SLC6A2: variants seen among roughly 807,000 people sequenced by gnomAD.
SLC6A2 encodes the protein solute carrier family 6 member 2.
SLC6A2 carries 26 observed loss-of-function variants against 71.7 expected under a neutral mutation model. The observed-to-expected ratio is 0.36, with a 90% CI of 0.27 to 0.50. The LOEUF (loss-of-function observed/expected upper bound fraction) is 0.50, where lower values mean the gene tolerates loss of function less well. Ranked by LOEUF, SLC6A2 falls within the 20% of genes least tolerant of loss-of-function variation. SLC6A2 has a pLI of 0.96. For missense variants in SLC6A2, 581 were observed against 803.9 expected (o/e 0.72, Z 3.35); for synonymous variants, 363 against 337.9 (o/e 1.07, Z -0.82).
intron 2 of SLC6A2, among the ~76,000 whole-genome samples, chr16:55,666,566 G>A (rs1964756282): frequency 6.6e-6 from 1 of 152,122 alleles, no homozygotes; most frequent in East Asian, 1.9e-4. Flanking sequence ...ACCACTCTTT[G>A]GTCTTCTTAA....
intron 2 of SLC6A2, among the ~76,000 whole-genome samples, chr16:55,664,197 G>A (rs890749765): frequency 3.9e-5 from 6 of 152,118 alleles, no homozygotes; most frequent in East Asian, 1.9e-4. Flanking sequence ...TTGGCCTGGC[G>A]TATCCTGTCC....
intron 11 of SLC6A2, among the ~76,000 whole-genome samples, chr16:55,698,946 CAT>C (rs1182358207): frequency 6.6e-6 from 1 of 152,184 alleles, no homozygotes; most frequent in Admixed American, 6.5e-5. Context: ...TTGCATCGGA[CAT>C]ACTTACCCTA....
intron 13 of SLC6A2, among the ~76,000 whole-genome samples, chr16:55,701,395 A>G (rs1030274708): frequency 1.3e-5 from 2 of 152,096 alleles, no homozygotes; most frequent in South Asian, 4.1e-4. Context: ...GCTACCAGTG[A>G]TCAATTGTTG....
chr16:55,697,959 C>T lies in SLC6A2; in HGVS notation c.1323C>T (p.His441=). The T allele has an allele frequency of 2.5e-6, 4 of 1,614,122 alleles. No individual in the cohort carries two copies. Among genetic ancestry groups the T allele is most frequent in the Non-Finnish European group, 3.4e-6 (4 of 1,179,988 alleles). ...ATGACTTCCAGGTCCTGAAGCGACACCGGAAACTCTTCACATTTGGCGTCA... is the reference window on the plus strand; with the variant it reads ...ATGACTTCCAGGTCCTGAAGCGACATCGGAAACTCTTCACATTTGGCGTCA... ...LADDFQVLKR[H]RKLFTFGVTF... is the part of the protein sequence containing the mutation. The change falls in exon 10 of 15, where the codon CAC becomes CAT. Residue 441 remains histidine (H), a synonymous_variant. Coordinates refer to ENST00000568943, the MANE Select transcript of SLC6A2 (RefSeq NM_001172501.3).
At chr16:55,667,404 C>T (rs544297622) in intron 2 of SLC6A2, among the ~76,000 whole-genome samples, 1 of 152,330 alleles carries the variant, frequency 6.6e-6, no homozygotes, top group South Asian at 2.1e-4. Flanking sequence ...AATTCTCTCT[C>T]AGGGGTGGTT....
At chr16:55,697,176 T>C (rs1239314659) in intron 9 of SLC6A2, among the ~76,000 whole-genome samples, 1 of 152,232 alleles carries the variant, frequency 6.6e-6, no homozygotes, top group African/African-American at 2.4e-5. Flanking sequence ...TTCCTCCCAC[T>C]GCCTTTTGCT....
At chr16:55,663,104 C>T (rs1341640257) in intron 2 of SLC6A2, among the ~76,000 whole-genome samples, 2 of 152,134 alleles carry the variant, frequency 1.3e-5, no homozygotes, top group Non-Finnish European at 2.9e-5. Flanking sequence ...AATCAGGGTT[C>T]CCCCCACCCC....
chr16:55,664,955 G>A (rs532096483), intron 2 of SLC6A2, among the ~76,000 whole-genome samples: 37 of 152,274 alleles, frequency 2.4e-4, no homozygotes, highest in African/African-American at 7.9e-4. Context: ...ACAGCCTCAG[G>A]CACCCTTCTG....
chr16:55,703,361 C>G lies in SLC6A2; in HGVS notation c.*1015C>G. ...TCTTGCACACCTGCACAGCCTCCCT[C>G]TGGGGATCCCACCTGGAGTGGACCA... On this transcript the variant is annotated 3_prime_UTR_variant, in exon 15 of 15. Transcript: ENST00000568943. The G allele has an allele frequency of 1.0e-6, 1 of 985,374 alleles. No homozygotes were observed. Among genetic ancestry groups the G allele is most frequent in the Non-Finnish European group, 1.2e-6 (1 of 829,916 alleles). The allele number at this position is 985,374 out of a possible 1,614,324, so 61.0% of individuals were successfully genotyped here. A position where few individuals can be genotyped will look rare whatever the true frequency, so the allele number is the denominator to read the frequency against.
At chr16:55,702,106 C>T (rs1353454230) in intron 14 of SLC6A2, among the ~76,000 whole-genome samples, 172 bp downstream of exon 14, 1 of 152,238 alleles carries the variant, frequency 6.6e-6, no homozygotes, top group East Asian at 1.9e-4. Context: ...TCACCTTGAG[C>T]CCATGGCCTC....
At chr16:55,695,070 G>C (rs1013690958) in intron 7 of SLC6A2, among the ~76,000 whole-genome samples, 4 of 152,176 alleles carry the variant, frequency 2.6e-5, no homozygotes, top group African/African-American at 9.7e-5. Flanking sequence ...AGTAGACTCT[G>C]GTATCAGGCT....
intron 4 of SLC6A2, among the ~76,000 whole-genome samples, chr16:55,678,610 TA>T (rs779941064): frequency 4.0e-4 from 61 of 152,230 alleles, no homozygotes; most frequent in Non-Finnish European, 8.1e-4. Flanking sequence ...ACTTTATGTG[TA>T]AAAGGCCACC....
intron 6 of SLC6A2, among the ~76,000 whole-genome samples, chr16:55,693,377 A>C (rs79742637): frequency 0.019 from 2,870 of 152,062 alleles, 87 homozygotes; most frequent in African/African-American, 0.065. Flanking sequence ...TTAAAAAAAA[A>C]AAATCTGAAT....
chr16:55,688,489 A>C (rs1160387394), intron 5 of SLC6A2, among the ~76,000 whole-genome samples: 1 of 152,222 alleles, frequency 6.6e-6, no homozygotes, highest in Admixed American at 6.5e-5. Flanking sequence ...TAAAGGGTAA[A>C]TTAATGCAGA....
chr16:55,685,508 G>A (rs1336483680), intron 5 of SLC6A2, among the ~76,000 whole-genome samples: 1 of 152,120 alleles, frequency 6.6e-6, no homozygotes, highest in Non-Finnish European at 1.5e-5. Context: ...AGGGGTATAA[G>A]TGGATCAGAG....
rs1330106182 is a variant in SLC6A2, at chr16:55,672,139, C to A, written c.608C>A (p.Ser203Tyr). The A allele has an allele frequency of 1.2e-6, 2 of 1,614,148 alleles. No homozygotes were observed. The highest frequency in any genetic ancestry group is 3.3e-5 in the Admixed American group (2 of 60,026). Reference sequence around the variant, plus strand: ...GTGCTTGGCAACCACACCAAGTACTCCAAGTACAAGTTCACGCCGGCAGCC... The same window carrying A: ...GTGCTTGGCAACCACACCAAGTACTACAAGTACAAGTTCACGCCGGCAGCC... ...GSVLGNHTKY[S>Y]KYKFTPAAEF... The change falls in exon 4 of 15, where the codon TCC becomes TAC. Residue 203 changes from serine to tyrosine, a missense_variant. This residue lies in a region of SLC6A2 where 87 missense variants were observed against 99.5 expected (regional missense o/e 0.87). Coordinates refer to ENST00000568943, the MANE Select transcript of SLC6A2 (RefSeq NM_001172501.3).
intron 2 of SLC6A2, 135 bp downstream of exon 2, chr16:55,657,103 A>T: frequency 1.1e-6 from 1 of 929,446 alleles, no homozygotes; most frequent in Non-Finnish European, 1.6e-6. Flanking sequence ...AAAGAACTGG[A>T]CAGGGCTAAC....
intron 2 of SLC6A2, among the ~76,000 whole-genome samples, chr16:55,665,084 C>T (rs1292681679): frequency 6.6e-6 from 1 of 152,188 alleles, no homozygotes; most frequent in African/African-American, 2.4e-5. Context: ...AGAGCCCTGA[C>T]ATGGCTAGAT....
intron 4 of SLC6A2, among the ~76,000 whole-genome samples, chr16:55,679,962 G>A (rs549293780): frequency 4.6e-5 from 7 of 152,334 alleles, no homozygotes; most frequent in South Asian, 4.1e-4. Context: ...GTGATGTTTA[G>A]CAGCTAGCAG....
Sources: gnomAD v4.1 joint callset for allele counts (sites outside exome capture counted in the v4.1 genomes callset) on GRCh38, gnomAD v4.1.1 for gene constraint, gnomAD v4.1.1 regional missense constraint, MANE v1.5 for transcripts, NCBI Gene and HGNC (gene_info 2026-07-23, HGNC 2026-07-21) for gene names.